Variants in ANKFN1 observed in about 807,000 individuals in gnomAD.
ANKFN1 encodes the protein ankyrin repeat and fibronectin type III domain containing 1, also known as ankyrin repeat and fibronectin type-III domain-containing protein 1.
A neutral mutation model predicts 108.7 loss-of-function variants in ANKFN1; 74 were observed. The ratio of observed to expected loss-of-function variants is 0.68; its 90% CI spans 0.56 to 0.83. ANKFN1 has a LOEUF of 0.83. ANKFN1 is among the 40% of genes least tolerant of loss of function. The probability of loss-of-function intolerance (pLI) is 0.00; values close to 1 mark genes in which losing one functional copy is unlikely to be tolerated. For synonymous variants in ANKFN1, 547 were observed against 516.2 expected, an observed-to-expected ratio of 1.06 and a Z score of -0.81; for missense variants, 1,505 against 1,382.3, an observed-to-expected ratio of 1.09 and a Z score of -1.41.
At position 56,080,854 on chromosome 17, in the gene ANKFN1, G is replaced by T. The variant is rs543347511; in HGVS notation, c.288+34529G>T. On this transcript the variant is annotated intron_variant, in intron 4 of 12. Transcript: ENST00000635860. ...TATGTCTATAGTGTGCCACCTAGTT[G>T]CCCTTTAAATAACAAGGCACACATT... is the stretch of plus-strand genomic sequence containing the variant. Among the ~76,000 whole-genome samples, 8 of 152,248 alleles carry T rather than the reference G, an allele frequency of 5.3e-5. No homozygotes were observed. The East Asian group carries it at 1.2e-3, about 22-fold the overall frequency.
chr17:56,443,880 A>G (rs564797220), intron 10 of ANKFN1, among the ~76,000 whole-genome samples: 1 of 152,352 alleles, frequency 6.6e-6, no homozygotes, highest in South Asian at 2.1e-4. Context: ...TTAATGTGAG[A>G]GTTAAAAGTG....
intron 3 of ANKFN1, among the ~76,000 whole-genome samples, chr17:56,255,483 A>T (rs1279216346): frequency 6.6e-6 from 1 of 152,226 alleles, no homozygotes. Context: ...TGTGAGAAAC[A>T]GACTGGAAAA....
At chr17:56,170,880 G>C (rs985231369) in intron 1 of ANKFN1, among the ~76,000 whole-genome samples, 1 of 138,620 alleles carries the variant, frequency 7.2e-6, no homozygotes, top group African/African-American at 2.7e-5. Flanking sequence ...TATATATCTA[G>C]TTACCTGCCC....
intron 4 of ANKFN1, among the ~76,000 whole-genome samples, chr17:56,072,841 A>T (rs1271545789): frequency 6.6e-6 from 1 of 152,188 alleles, no homozygotes; most frequent in Non-Finnish European, 1.5e-5. Context: ...GGAAAGGGAA[A>T]GGAATATGTG....
intron 4 of ANKFN1, among the ~76,000 whole-genome samples, chr17:56,137,414 C>G (rs1163281780): frequency 6.6e-6 from 1 of 152,216 alleles, no homozygotes; most frequent in African/African-American, 2.4e-5. Flanking sequence ...GCCCAAGTTT[C>G]CCTTATTTAC....
In ANKFN1 at chr17:56,514,797, T is replaced by A. The variant is rs1157611076; in HGVS notation, c.*3528T>A. Among the ~76,000 whole-genome samples, 2 of 152,298 alleles carry A rather than the reference T, an allele frequency of 1.3e-5. No homozygotes were observed. The highest frequency in any genetic ancestry group is 3.9e-4 in the East Asian group (2 of 5,170). ...AAAAGCAATGACTGAAGCCTTGTTGTACTCCCCTAAAGAAACCTTGTCCAG... is the reference window on the plus strand; with the variant it reads ...AAAAGCAATGACTGAAGCCTTGTTGAACTCCCCTAAAGAAACCTTGTCCAG... On this transcript the variant is annotated 3_prime_UTR_variant, in exon 21 of 21. Transcript: ENST00000682825.
intron 3 of ANKFN1, among the ~76,000 whole-genome samples, chr17:56,310,572 G>A (rs944246454): frequency 1.3e-5 from 2 of 150,746 alleles, no homozygotes; most frequent in Admixed American, 6.6e-5. Context: ...AGCCGAGATC[G>A]AGCCACTGCA....
intron 10 of ANKFN1, among the ~76,000 whole-genome samples, chr17:56,445,229 G>C (rs559028900): frequency 5.3e-5 from 8 of 152,202 alleles, no homozygotes; most frequent in Non-Finnish European, 1.0e-4. Flanking sequence ...GCTAGTCTCA[G>C]TTGACCTGAA....
intron 3 of ANKFN1, among the ~76,000 whole-genome samples, chr17:56,296,645 C>G (rs1179386238): frequency 6.6e-6 from 1 of 152,182 alleles, no homozygotes; most frequent in Non-Finnish European, 1.5e-5. Context: ...GATCACACCA[C>G]TGCACTCCAG....
chr17:56,265,033 C>T (rs2043613505), intron 3 of ANKFN1, among the ~76,000 whole-genome samples: 1 of 152,138 alleles, frequency 6.6e-6, no homozygotes, highest in Non-Finnish European at 1.5e-5. Context: ...TTGACTCTCT[C>T]TGCTCCACAC....
intron 6 of ANKFN1, among the ~76,000 whole-genome samples, chr17:56,366,219 G>A (rs2046657531): frequency 6.6e-6 from 1 of 151,996 alleles, no homozygotes; most frequent in Admixed American, 6.6e-5. Flanking sequence ...AAATATTTTT[G>A]TACAGTGGTA....
intron 19 of ANKFN1, among the ~76,000 whole-genome samples, chr17:56,497,054 A>C (rs1004820363): frequency 4.6e-5 from 7 of 152,200 alleles, no homozygotes; most frequent in African/African-American, 1.7e-4. Flanking sequence ...ACCAAAACAC[A>C]ATCCCTGTCC....
At chr17:56,354,110 A>G in intron 6 of ANKFN1, 64 bp downstream of exon 6, 1 of 1,502,940 alleles carries the variant, frequency 6.7e-7, no homozygotes, top group Non-Finnish European at 9.1e-7. Context: ...TGCCACCAAA[A>G]TAGCCATTGC....
chr17:56,274,917 T>A (rs574828130), intron 3 of ANKFN1, among the ~76,000 whole-genome samples: 1 of 152,324 alleles, frequency 6.6e-6, no homozygotes, highest in South Asian at 2.1e-4. Context: ...AAATGTACCT[T>A]GCGGTTATCA....
At chr17:56,262,600 CT>C (rs2043543147) in intron 3 of ANKFN1, among the ~76,000 whole-genome samples, 1 of 152,116 alleles carries the variant, frequency 6.6e-6, no homozygotes, top group African/African-American at 2.4e-5. Context: ...AAGGCAGTTT[CT>C]TTTGTAGCAT....
At chr17:56,256,610 TTAAAA>T (rs1469933535) in intron 3 of ANKFN1, among the ~76,000 whole-genome samples, 1 of 152,192 alleles carries the variant, frequency 6.6e-6, no homozygotes, top group Non-Finnish European at 1.5e-5. Context: ...CAATGATTAA[TTAAAA>T]TAAACATTTA....
At chr17:56,284,148 C>T (rs1342820818) in intron 3 of ANKFN1, among the ~76,000 whole-genome samples, 1 of 152,122 alleles carries the variant, frequency 6.6e-6, no homozygotes, top group Non-Finnish European at 1.5e-5. Flanking sequence ...GGCAAACACT[C>T]ATGTTCATGT....
At chr17:56,368,276 CT>C (rs71137202) in intron 6 of ANKFN1, 3,387 of 66,014 alleles carry the variant, frequency 0.051, 268 homozygotes, top group African/African-American at 0.14. Flanking sequence ...TGAAAATGAA[CT>C]TTTTTTTTTT....
chr17:56,323,298 C>T (rs1262710293), intron 3 of ANKFN1: 3 of 152,580 alleles, frequency 2.0e-5, no homozygotes, highest in African/African-American at 4.8e-5. Flanking sequence ...TTAGAGTCTT[C>T]TCTAGGTCTG....
Sources: allele counts gnomAD v4.1 joint callset (sites outside exome capture counted in the v4.1 genomes callset), GRCh38; gene constraint gnomAD v4.1.1; transcripts MANE v1.5; gene names NCBI Gene and HGNC (gene_info 2026-07-23, HGNC 2026-07-21).